CFAP299: variants seen among roughly 807,000 people sequenced by gnomAD.
CFAP299 encodes the protein cilia- and flagella-associated protein 299.
Under a neutral mutation model 27.0 loss-of-function variants are expected in CFAP299, and 21 were observed. The ratio of observed to expected loss-of-function variants is 0.78; its 90% CI spans 0.55 to 1.12. The LOEUF is 1.12. CFAP299 is among the 50% of genes most tolerant of loss of function. The pLI, the probability that CFAP299 is intolerant of heterozygous loss-of-function variation, is 0.00. For missense variants in CFAP299, 310 were observed against 276.6 expected (o/e 1.12, Z -0.86); for synonymous variants, 104 against 98.1 (o/e 1.06, Z -0.36).
intron 3 of CFAP299, among the ~76,000 whole-genome samples, chr4:80,687,971 G>A (rs771384780): frequency 1.1e-4 from 16 of 152,326 alleles, no homozygotes; most frequent in African/African-American, 2.9e-4. Flanking sequence ...CGAATACTGC[G>A]CTTTTCCGAA....
chr4:80,710,260 A>G (rs1560711443), intron 3 of CFAP299, among the ~76,000 whole-genome samples: 1 of 152,152 alleles, frequency 6.6e-6, no homozygotes, highest in Non-Finnish European at 1.5e-5. Context: ...AATAGGATCA[A>G]CTTGGTCCAA....
intron 2 of CFAP299, among the ~76,000 whole-genome samples, chr4:80,499,928 G>C (rs1156558438): frequency 6.6e-6 from 1 of 151,994 alleles, no homozygotes; most frequent in Non-Finnish European, 1.5e-5. Flanking sequence ...AGCTAGTCTA[G>C]CTCTAAGGAA....
chr4:80,504,496 TATATATATA>T (rs1560598363), intron 2 of CFAP299, among the ~76,000 whole-genome samples: 58 of 131,340 alleles, frequency 4.4e-4, no homozygotes, highest in Non-Finnish European at 7.5e-4. Context: ...TATATATATA[TATATATATA>T]TTTTCCTTTG....
chr4:80,871,776 C>T (rs1733110786), intron 4 of CFAP299: 1 of 389,170 alleles, frequency 2.6e-6, no homozygotes, highest in Non-Finnish European at 3.5e-6. Flanking sequence ...TTAAAGAAAA[C>T]ATCTTGGCAT....
chr4:80,850,165 G>A (rs1315616642), intron 3 of CFAP299, among the ~76,000 whole-genome samples: 3 of 151,914 alleles, frequency 2.0e-5, no homozygotes, highest in Admixed American at 6.6e-5. Flanking sequence ...TGTTTATAAG[G>A]TACAAAAATT....
intron 2 of CFAP299, among the ~76,000 whole-genome samples, chr4:80,459,768 G>A (rs1336601300): frequency 1.3e-5 from 2 of 152,158 alleles, no homozygotes; most frequent in South Asian, 4.1e-4. Context: ...CCTTCTGCCA[G>A]CTTGTTAGGT....
At chr4:80,773,146 G>A (rs1202551582) in intron 3 of CFAP299, among the ~76,000 whole-genome samples, 1 of 152,136 alleles carries the variant, frequency 6.6e-6, no homozygotes, top group Non-Finnish European at 1.5e-5. Context: ...GATGTTATTA[G>A]TATGACTTTA....
intron 2 of CFAP299, among the ~76,000 whole-genome samples, chr4:80,528,255 A>T (rs998074998): frequency 4.6e-5 from 7 of 151,944 alleles, no homozygotes; most frequent in African/African-American, 1.7e-4. Context: ...CCTCCTTCCT[A>T]TATTTTCAAC....
chr4:80,495,243 A>G (rs1315799545), intron 2 of CFAP299, among the ~76,000 whole-genome samples: 2 of 152,034 alleles, frequency 1.3e-5, no homozygotes, highest in Non-Finnish European at 2.9e-5. Flanking sequence ...AATTTGGTTG[A>G]AACTCTAATT....
At chr4:80,581,241 C>A (rs1578629306) in intron 2 of CFAP299, among the ~76,000 whole-genome samples, 1 of 151,392 alleles carries the variant, frequency 6.6e-6, no homozygotes, top group Admixed American at 6.6e-5. Context: ...TCTAAACAAG[C>A]AACTGACAAA....
chr4:80,887,693 A>G lies in CFAP299; in HGVS notation c.476+17558A>G, dbSNP rs149849461. Among the ~76,000 whole-genome samples, 634 of 152,264 alleles carry G rather than the reference A, an allele frequency of 4.2e-3. 1 individual carries two copies. Among genetic ancestry groups the G allele is most frequent in the African/African-American group, 0.014 (594 of 41,556 alleles). On this transcript the variant is annotated intron_variant, in intron 4 of 5. Coordinates refer to ENST00000358105, the MANE Select transcript of CFAP299 (RefSeq NM_152770.3). Reference sequence around the variant, plus strand: ...ATAGAATAATACAGAATTATGTAACACTGTAATTGTGGTATAAATTACTCT... The same window carrying G: ...ATAGAATAATACAGAATTATGTAACGCTGTAATTGTGGTATAAATTACTCT...
intron 2 of CFAP299, among the ~76,000 whole-genome samples, chr4:80,415,237 C>T (rs1415578847): frequency 6.6e-6 from 1 of 152,144 alleles, no homozygotes; most frequent in African/African-American, 2.4e-5. Flanking sequence ...TCTGGGTGAG[C>T]TAATGTGTGG....
intron 4 of CFAP299, among the ~76,000 whole-genome samples, chr4:80,930,607 A>T (rs1216916111): frequency 2.0e-5 from 3 of 152,154 alleles, no homozygotes; most frequent in African/African-American, 7.2e-5. Context: ...GTGTTTGGGG[A>T]AAACCTCATG....
chr4:80,536,312 A>C (rs559016189), intron 2 of CFAP299, among the ~76,000 whole-genome samples: 1 of 152,300 alleles, frequency 6.6e-6, no homozygotes, highest in African/African-American at 2.4e-5. Flanking sequence ...AGGAACCCTT[A>C]TATGCTCTGA....
intron 3 of CFAP299, among the ~76,000 whole-genome samples, chr4:80,831,923 G>A (rs78253152): frequency 1.3e-5 from 2 of 152,140 alleles, no homozygotes; most frequent in African/African-American, 4.8e-5. Flanking sequence ...ACTAGTGCTT[G>A]TTAATGATGT....
Position 80,800,624 on chromosome 4 carries a change from AT to A in CFAP299, c.334-69367del, listed in dbSNP as rs1250810782. On this transcript the variant is annotated intron_variant, in intron 3 of 5. Coordinates refer to ENST00000358105, the MANE Select transcript of CFAP299 (RefSeq NM_152770.3). Reference sequence around the variant, plus strand: ...AATATAAATATATAATATATAATATATTAATATAAATATATAATATATTAAT... The same window carrying A: ...AATATAAATATATAATATATAATATATAATATAAATATATAATATATTAAT... 3.9e-5 allele frequency among the ~76,000 whole-genome samples: 4 copies of A among 101,350 alleles called. No homozygotes were observed. The East Asian group carries it at 7.2e-4, about 18-fold the overall frequency. The allele number at this position is 101,350 out of a possible 152,430, so 66.5% of individuals were successfully genotyped here. A position where few individuals can be genotyped will look rare whatever the true frequency, so the allele number is the denominator to read the frequency against.
intron 2 of CFAP299, among the ~76,000 whole-genome samples, chr4:80,372,387 G>A (rs1578366906): frequency 6.6e-6 from 1 of 152,346 alleles, no homozygotes; most frequent in Non-Finnish European, 1.5e-5. Context: ...GGGTTCCCTG[G>A]TCGGGATGCA....
At chr4:80,515,360 C>G (rs986294069) in intron 2 of CFAP299, among the ~76,000 whole-genome samples, 1 of 152,128 alleles carries the variant, frequency 6.6e-6, no homozygotes, top group Non-Finnish European at 1.5e-5. Flanking sequence ...ACATTATTAT[C>G]CAAGCTGGCT....
chr4:80,698,110 A>G (rs1425336595), intron 3 of CFAP299, among the ~76,000 whole-genome samples: 2 of 152,218 alleles, frequency 1.3e-5, no homozygotes, highest in African/African-American at 4.8e-5. Context: ...ACAGACGTCA[A>G]ATTGAAATTC....
Sources: allele counts gnomAD v4.1 joint callset (sites outside exome capture counted in the v4.1 genomes callset), GRCh38; gene constraint gnomAD v4.1.1; transcripts MANE v1.5; gene names NCBI Gene and HGNC (gene_info 2026-07-23, HGNC 2026-07-21).